The following DPH6 variants were observed in gnomAD, a reference collection of about 807,000 sequenced individuals.
The protein encoded by DPH6 is diphthamine biosynthesis 6, also known as diphthine--ammonia ligase.
In DPH6, 33 loss-of-function variants were observed where a neutral mutation model predicts 38.2. The observed-to-expected ratio is 0.86, with a 90% CI of 0.65 to 1.15. The LOEUF (loss-of-function observed/expected upper bound fraction) is 1.15, where lower values mean the gene tolerates loss of function less well. Ranked by LOEUF, DPH6 falls within the 50% of genes most tolerant of loss-of-function variation. The pLI is 0.00. For missense variants in DPH6, 325 were observed against 320.0 expected (o/e 1.02, Z -0.12); for synonymous variants, 108 against 103.0 (o/e 1.05, Z -0.30).
chr15:35,153,139 A>C, the DPH6 span, among the ~76,000 whole-genome samples: 1 of 152,218 alleles, frequency 6.6e-6, no homozygotes, highest in Admixed American at 6.5e-5. Context: ...TTATTGAAAC[A>C]CAGCCCCACC....
chr15:35,505,237 T>A (rs1355698911), intron 3 of DPH6, among the ~76,000 whole-genome samples: 1 of 152,102 alleles, frequency 6.6e-6, no homozygotes, highest in Non-Finnish European at 1.5e-5. Context: ...AAAGATAAAC[T>A]GGATTAACTA....
At chr15:35,333,711 T>C (rs1464629774) in intron 3 of DPH6, among the ~76,000 whole-genome samples, 1 of 152,168 alleles carries the variant, frequency 6.6e-6, no homozygotes, top group Admixed American at 6.6e-5. Context: ...TGGAAGACAG[T>C]GTGGTGATTC....
At chr15:35,466,055 G>T (rs969260083) in intron 3 of DPH6, among the ~76,000 whole-genome samples, 38 of 152,030 alleles carry the variant, frequency 2.5e-4, no homozygotes, top group Admixed American at 2.4e-3. Context: ...ATAAGGTGGG[G>T]CCAGGCATGG....
chr15:35,373,918 C>A (rs970746895), intron 7 of DPH6, among the ~76,000 whole-genome samples: 1 of 151,920 alleles, frequency 6.6e-6, no homozygotes, highest in Non-Finnish European at 1.5e-5. Context: ...TTCATTTTCA[C>A]GTATTTGCTT....
intron 3 of DPH6, among the ~76,000 whole-genome samples, chr15:35,352,488 TTC>T (rs2052523337): frequency 6.6e-6 from 1 of 152,094 alleles, no homozygotes; most frequent in African/African-American, 2.4e-5. Context: ...TGTCCATGTG[TTC>T]TCTTTGTTCA....
intron 3 of DPH6, chr15:35,522,248 A>G (rs1368028403): frequency 2.5e-6 from 4 of 1,613,106 alleles, no homozygotes; most frequent in Non-Finnish European, 3.4e-6. Flanking sequence ...AGAGCATCAT[A>G]TTCAGCAAGC....
intron 5 of DPH6, among the ~76,000 whole-genome samples, chr15:35,432,213 G>GA (rs906044972): frequency 2.0e-5 from 3 of 151,986 alleles, no homozygotes; most frequent in East Asian, 3.9e-4. Flanking sequence ...TATAAAAGAA[G>GA]AAAAAAATCT....
At chr15:35,461,612 C>T (rs1032437553) in intron 3 of DPH6, among the ~76,000 whole-genome samples, 2 of 150,598 alleles carry the variant, frequency 1.3e-5, no homozygotes, top group Non-Finnish European at 3.0e-5. Flanking sequence ...GAAAGAAGGA[C>T]CAAGTCTTCT....
At chr15:35,262,479 G>C (rs1003934206) in intron 3 of DPH6, among the ~76,000 whole-genome samples, 57 of 152,150 alleles carry the variant, frequency 3.7e-4, no homozygotes, top group Middle Eastern at 3.4e-3. Flanking sequence ...GGCCGAGGCA[G>C]GGGGATCACC....
At chr15:35,511,545 C>G (rs1241664210) in intron 3 of DPH6, among the ~76,000 whole-genome samples, 2 of 152,014 alleles carry the variant, frequency 1.3e-5, no homozygotes, top group South Asian at 2.1e-4. Flanking sequence ...GTGTTTATAG[C>G]TGAAAAGTAG....
chr15:35,287,456 GTTC>G (rs1349379658), intron 3 of DPH6, among the ~76,000 whole-genome samples: 4 of 152,112 alleles, frequency 2.6e-5, no homozygotes, highest in Admixed American at 2.6e-4. Flanking sequence ...ACTTCGCACA[GTTC>G]TTCTTGATCT....
chr15:35,444,545 A>G (rs188814359), intron 5 of DPH6, among the ~76,000 whole-genome samples: 286 of 152,286 alleles, frequency 1.9e-3, no homozygotes, highest in African/African-American at 6.8e-3. Context: ...AATATTCAAG[A>G]GTCTTTCTTC....
At chr15:35,354,995 ATAGT>A (rs1281489044) in intron 3 of DPH6, among the ~76,000 whole-genome samples, 2 of 152,130 alleles carry the variant, frequency 1.3e-5, no homozygotes, top group Non-Finnish European at 1.5e-5. Context: ...CATATTTAGG[ATAGT>A]TAGTTCTTCT....
At position 35,451,846 on chromosome 15, in the gene DPH6, TA is replaced by T. The variant is rs2053938161; in HGVS notation, c.387-1044del. Among the ~76,000 whole-genome samples the T allele has an allele frequency of 2.6e-5, 4 of 152,054 alleles. No homozygotes were observed. In the South Asian group the frequency reaches 8.3e-4, roughly 32 times the overall value. ...TAACACGGTGAAACCCCGTCTCTAC[TA>T]AAAATACAAAAAATTAGCCAGGCAT... On this transcript the variant is annotated intron_variant, in intron 4 of 8. Transcript: ENST00000256538.
intron 5 of DPH6, among the ~76,000 whole-genome samples, chr15:35,414,862 G>A (rs1175922999): frequency 6.6e-6 from 1 of 150,820 alleles, no homozygotes; most frequent in Non-Finnish European, 1.5e-5. Context: ...CTCTGTTACT[G>A]TTTCATTCCA....
At chr15:35,370,847 C>A (rs1196288867), downstream of DPH6, 1 of 151,512 alleles carries the variant, frequency 6.6e-6, no homozygotes, top group Non-Finnish European at 1.5e-5. Context: ...TATTTATACA[C>A]CTGAAAAAAA....
the DPH6 span, among the ~76,000 whole-genome samples, chr15:35,184,156 C>G: frequency 6.6e-6 from 1 of 152,166 alleles, no homozygotes; most frequent in Admixed American, 6.5e-5. Flanking sequence ...ATTCTTAAAA[C>G]TCTGTAAATT....
chr15:35,408,543 T>C (rs986712952), intron 6 of DPH6, among the ~76,000 whole-genome samples: 6 of 151,900 alleles, frequency 3.9e-5, no homozygotes, highest in Non-Finnish European at 5.9e-5. Context: ...ATACAGCTAA[T>C]AGTTAAAGTC....
chr15:35,491,764 T>C (rs1955996138), intron 3 of DPH6, among the ~76,000 whole-genome samples: 2 of 150,794 alleles, frequency 1.3e-5, no homozygotes, highest in African/African-American at 2.4e-5. Flanking sequence ...TGTATACACA[T>C]ATAAATATAT....
Sources: gnomAD v4.1 joint callset for allele counts (sites outside exome capture counted in the v4.1 genomes callset) on GRCh38, gnomAD v4.1.1 for gene constraint, MANE v1.5 for transcripts, NCBI Gene and HGNC (gene_info 2026-07-23, HGNC 2026-07-21) for gene names.